SV2C: variants seen among roughly 807,000 people sequenced by gnomAD.
The protein encoded by SV2C is synaptic vesicle glycoprotein 2C.
A neutral mutation model predicts 79.7 loss-of-function variants in SV2C; 49 were observed. The ratio of observed to expected loss-of-function variants is 0.61; its 90% confidence interval spans 0.49 to 0.78. SV2C has a LOEUF of 0.78. Among genes scored for constraint, SV2C ranks in the 30% least tolerant of loss-of-function variants. SV2C has a pLI of 0.00. For synonymous variants in SV2C, 334 were observed against 333.2 expected, an observed-to-expected ratio of 1.00 and a Z score of -0.03; for missense variants, 833 against 912.9, an observed-to-expected ratio of 0.91 and a Z score of 1.13.
At chr5:75,879,414 T>C in the SV2C span, among the ~76,000 whole-genome samples, 1 of 152,174 alleles carries the variant, frequency 6.6e-6, no homozygotes, top group Non-Finnish European at 1.5e-5. Context: ...TGGGTAAACA[T>C]ACTTGTTCCA....
At chr5:76,023,156 A>G in the SV2C span, among the ~76,000 whole-genome samples, 1 of 152,120 alleles carries the variant, frequency 6.6e-6, no homozygotes, top group African/African-American at 2.4e-5. Flanking sequence ...TCTGAGTTAA[A>G]TTTCTTTCCT....
chr5:75,879,969 C>G, the SV2C span, among the ~76,000 whole-genome samples: 9,403 of 152,254 alleles, frequency 0.062, 344 homozygotes, highest in Admixed American at 0.084. Flanking sequence ...TGGAATCTAC[C>G]AAGGCTTATG....
the SV2C span, among the ~76,000 whole-genome samples, chr5:76,004,510 G>A: frequency 6.6e-6 from 1 of 152,114 alleles, no homozygotes; most frequent in African/African-American, 2.4e-5. Flanking sequence ...TTCAGCATCA[G>A]AATCAGTATT....
intron 2 of SV2C, among the ~76,000 whole-genome samples, chr5:76,144,646 G>T (rs1466851103): frequency 6.6e-6 from 1 of 152,176 alleles, no homozygotes; most frequent in African/African-American, 2.4e-5. Flanking sequence ...AGATACAAAA[G>T]GAGAAGGGAT....
At chr5:76,307,941 T>G (rs1748261058) in intron 12 of SV2C, among the ~76,000 whole-genome samples, 1 of 152,230 alleles carries the variant, frequency 6.6e-6, no homozygotes, top group Non-Finnish European at 1.5e-5. Flanking sequence ...TCAAGTGTGT[T>G]CATAGTTGCT....
At chr5:76,049,515 G>C in the SV2C span, among the ~76,000 whole-genome samples, 1 of 152,104 alleles carries the variant, frequency 6.6e-6, no homozygotes, top group Admixed American at 6.5e-5. Context: ...AGCAAAGGGT[G>C]AATGATGGTT....
intron 1 of SV2C, among the ~76,000 whole-genome samples, chr5:76,123,965 A>G (rs1425476374): frequency 6.6e-6 from 1 of 152,230 alleles, no homozygotes; most frequent in Non-Finnish European, 1.5e-5. Flanking sequence ...GCATCTGCAT[A>G]GTCTAAATAT....
the SV2C span, among the ~76,000 whole-genome samples, chr5:75,891,871 C>G: frequency 6.6e-6 from 1 of 152,056 alleles, no homozygotes; most frequent in African/African-American, 2.4e-5. Flanking sequence ...GAGCCAGCAC[C>G]ACCCATTCAT....
chr5:76,336,116 C>A (rs1173677025), downstream of SV2C, among the ~76,000 whole-genome samples: 2 of 140,794 alleles, frequency 1.4e-5, no homozygotes, highest in African/African-American at 5.2e-5. Context: ...CCCCCCACCT[C>A]CCTCCCGGAC....
chr5:76,068,437 A>G, the SV2C span, among the ~76,000 whole-genome samples: 1 of 152,030 alleles, frequency 6.6e-6, no homozygotes, highest in Admixed American at 6.6e-5. Context: ...TGCCATATCC[A>G]ATTTGCTGGG....
chr5:76,313,438 G>A (rs564215849), intron 12 of SV2C, among the ~76,000 whole-genome samples: 8 of 152,234 alleles, frequency 5.3e-5, no homozygotes, highest in Admixed American at 2.0e-4. Context: ...GGTGAAGGGG[G>A]TGGGGAATAT....
the SV2C span, among the ~76,000 whole-genome samples, chr5:75,896,126 A>G: frequency 1.3e-5 from 2 of 151,794 alleles, no homozygotes; most frequent in African/African-American, 4.8e-5. Context: ...GGTTTGTTAC[A>G]TATGTATACA....
At chr5:75,906,412 G>A in the SV2C span, among the ~76,000 whole-genome samples, 1 of 151,626 alleles carries the variant, frequency 6.6e-6, no homozygotes, top group Non-Finnish European at 1.5e-5. Flanking sequence ...TCCAAGGATG[G>A]GCAGGAGGTT....
intron 2 of SV2C, among the ~76,000 whole-genome samples, chr5:76,169,041 G>A (rs1245770621): frequency 6.6e-6 from 1 of 152,052 alleles, no homozygotes. Context: ...GACTTCTCTG[G>A]GTTCCTGAGT....
the SV2C span, among the ~76,000 whole-genome samples, chr5:75,954,473 A>G: frequency 1.3e-5 from 2 of 151,978 alleles, no homozygotes; most frequent in Non-Finnish European, 2.9e-5. Context: ...ATTCCCTTTG[A>G]AAACTGGCAC....
chr5:75,895,333 C>T, the SV2C span, among the ~76,000 whole-genome samples: 1 of 152,042 alleles, frequency 6.6e-6, no homozygotes, highest in African/African-American at 2.4e-5. Context: ...GAAGCTCAGA[C>T]ATTAGACTTA....
intron 2 of SV2C, among the ~76,000 whole-genome samples, chr5:76,190,748 C>A (rs919305585): frequency 2.6e-5 from 4 of 152,108 alleles, no homozygotes; most frequent in African/African-American, 9.7e-5. Flanking sequence ...ACAAATGCAC[C>A]TACTTCTTAT....
At chr5:76,344,517 T>C (rs1441661377) in intron 12 of SV2C, among the ~76,000 whole-genome samples, 2 of 152,226 alleles carry the variant, frequency 1.3e-5, no homozygotes, top group Admixed American at 6.5e-5. Context: ...GAGATCAGCC[T>C]GACCAACATG....
At chr5:75,902,202 AC>A in the SV2C span, among the ~76,000 whole-genome samples, 1 of 152,170 alleles carries the variant, frequency 6.6e-6, no homozygotes, top group African/African-American at 2.4e-5. Context: ...GGAGCTGTGG[AC>A]CGGAGCTGTT....
Sources: gnomAD v4.1 joint callset for allele counts (sites outside exome capture counted in the v4.1 genomes callset) on GRCh38, gnomAD v4.1.1 for gene constraint, MANE v1.5 for transcripts, NCBI Gene and HGNC (gene_info 2026-07-23, HGNC 2026-07-21) for gene names.